CLDN10: variants seen among roughly 807,000 people sequenced by gnomAD.
CLDN10 encodes claudin 10.
A neutral mutation model predicts 22.9 loss-of-function variants in CLDN10; 15 were observed. The ratio of observed to expected loss-of-function variants is 0.65; its 90% CI spans 0.44 to 1.01. The LOEUF is 1.01. CLDN10 is among the 50% of genes least tolerant of loss of function. The pLI, the probability that CLDN10 is intolerant of heterozygous loss-of-function variation, is 0.00. For missense variants in CLDN10, 247 were observed against 287.8 expected, an observed-to-expected ratio of 0.86 and a Z score of 1.03; for synonymous variants, 114 against 111.4, an observed-to-expected ratio of 1.02 and a Z score of -0.15.
chr13:95,439,194 C>T (rs1472779953), intron 1 of CLDN10, among the ~76,000 whole-genome samples: 1 of 152,016 alleles, frequency 6.6e-6, no homozygotes, highest in Non-Finnish European at 1.5e-5. Context: ...ACATCAGAAA[C>T]TTATTTCTCA....
chr13:95,455,507 C>T (rs2042474165), intron 1 of CLDN10, among the ~76,000 whole-genome samples: 1 of 152,152 alleles, frequency 6.6e-6, no homozygotes, highest in Non-Finnish European at 1.5e-5. Context: ...GAAACTGTGG[C>T]TTATAGTTCT....
At chr13:95,476,510 G>T (rs1381995206) in intron 1 of CLDN10, among the ~76,000 whole-genome samples, 1 of 152,094 alleles carries the variant, frequency 6.6e-6, no homozygotes, top group East Asian at 1.9e-4. Flanking sequence ...CCTCCCGAAG[G>T]CCCCACCTCC....
intron 1 of CLDN10, among the ~76,000 whole-genome samples, chr13:95,546,371 C>T (rs2043509801): frequency 6.6e-6 from 1 of 151,918 alleles, no homozygotes; most frequent in Admixed American, 6.6e-5. Context: ...TCAGTTTCCT[C>T]TTCTGTACAA....
At chr13:95,505,702 A>G (rs1333835888) in intron 1 of CLDN10, among the ~76,000 whole-genome samples, 2 of 152,188 alleles carry the variant, frequency 1.3e-5, no homozygotes, top group Non-Finnish European at 2.9e-5. Flanking sequence ...GAATAAACAT[A>G]AAATAGACAC....
intron 1 of CLDN10, among the ~76,000 whole-genome samples, chr13:95,442,265 A>G (rs1594520896): frequency 1.3e-5 from 2 of 152,208 alleles, no homozygotes; most frequent in East Asian, 3.8e-4. Flanking sequence ...AGTGCCTTGA[A>G]AGGTCACATC....
At chr13:95,566,272 T>A (rs953467115) in intron 3 of CLDN10, among the ~76,000 whole-genome samples, 1 of 152,166 alleles carries the variant, frequency 6.6e-6, no homozygotes, top group African/African-American at 2.4e-5. Context: ...TTTCTCCACA[T>A]CCTCCCCAGA....
intron 1 of CLDN10, among the ~76,000 whole-genome samples, chr13:95,534,206 TAGA>T (rs1224073878): frequency 6.6e-6 from 1 of 152,210 alleles, no homozygotes; most frequent in African/African-American, 2.4e-5. Context: ...ATCTGCTATG[TAGA>T]AGGTTACATA....
At chr13:95,545,279 C>T (rs2043496750) in intron 1 of CLDN10, among the ~76,000 whole-genome samples, 1 of 151,828 alleles carries the variant, frequency 6.6e-6, no homozygotes, top group African/African-American at 2.4e-5. Flanking sequence ...CACGGTGGCT[C>T]ACACCTGTAA....
In CLDN10 at chr13:95,578,585, T is replaced by TACAGGATCAGAGA. The variant is rs1488605446; in HGVS notation, c.*572_*584dup. 6.6e-6 allele frequency: 1 copy of TACAGGATCAGAGA among 152,272 alleles called. No individual in the cohort carries two copies. Among genetic ancestry groups the TACAGGATCAGAGA allele is most frequent in the Non-Finnish European group, 1.5e-5 (1 of 68,068 alleles). The allele number at this position is 152,272 out of a possible 1,614,324, so 9.4% of individuals were successfully genotyped here. On this transcript the variant is annotated 3_prime_UTR_variant, in exon 5 of 5. Transcript: ENST00000299339. Reference sequence around the variant, plus strand: ...AAGTTATCTGGTAGAACTTAACTTCTACAGGATCAGAGAGGATCTTGCTCA... The same window carrying TACAGGATCAGAGA: ...AAGTTATCTGGTAGAACTTAACTTCTACAGGATCAGAGAACAGGATCAGAGAGGATCTTGCTCA...
At chr13:95,575,686 T>G (rs1434411827) in intron 3 of CLDN10, among the ~76,000 whole-genome samples, 1 of 151,950 alleles carries the variant, frequency 6.6e-6, no homozygotes, top group Non-Finnish European at 1.5e-5. Context: ...GTTTCTCAGA[T>G]GCCAAAGCAC....
At chr13:95,442,058 G>A (rs1185332294) in intron 1 of CLDN10, among the ~76,000 whole-genome samples, 4 of 152,212 alleles carry the variant, frequency 2.6e-5, no homozygotes, top group Non-Finnish European at 5.9e-5. Flanking sequence ...GGCTGAGGTG[G>A]AAGGATCACC....
At chr13:95,568,685 G>A (rs115006461) in intron 3 of CLDN10, among the ~76,000 whole-genome samples, 354 of 152,176 alleles carry the variant, frequency 2.3e-3, no homozygotes, top group African/African-American at 8.0e-3. Context: ...TCTAGAAGTC[G>A]AAACCATGTG....
chr13:95,568,960 T>C (rs2043820887), intron 3 of CLDN10, among the ~76,000 whole-genome samples: 3 of 152,180 alleles, frequency 2.0e-5, no homozygotes, highest in Admixed American at 6.5e-5. Flanking sequence ...AGAAGTTACT[T>C]ACCCTTTCTG....
upstream of CLDN10, among the ~76,000 whole-genome samples, chr13:95,548,618 A>G (rs529346942): frequency 4.7e-4 from 72 of 152,362 alleles, no homozygotes; most frequent in African/African-American, 1.7e-3. Context: ...TTGCATAAGC[A>G]TTAAGATAAA....
intron 1 of CLDN10, among the ~76,000 whole-genome samples, chr13:95,542,291 C>A (rs2043467640): frequency 6.6e-6 from 1 of 152,188 alleles, no homozygotes; most frequent in African/African-American, 2.4e-5. Flanking sequence ...GTGGTGCAGA[C>A]AGATCCAAAC....
At chr13:95,437,054 AT>A (rs923314524) in intron 1 of CLDN10, among the ~76,000 whole-genome samples, 14 of 150,238 alleles carry the variant, frequency 9.3e-5, no homozygotes, top group East Asian at 7.8e-4. Flanking sequence ...TCTCGGTTGT[AT>A]TTTTTTTTTC....
At chr13:95,448,003 A>C (rs1329239249) in intron 1 of CLDN10, among the ~76,000 whole-genome samples, 1 of 152,032 alleles carries the variant, frequency 6.6e-6, no homozygotes, top group Non-Finnish European at 1.5e-5. Flanking sequence ...CTGCGGCGAG[A>C]GGTGGGGGTG....
chr13:95,440,243 C>T (rs2042311953), intron 1 of CLDN10, among the ~76,000 whole-genome samples: 1 of 152,178 alleles, frequency 6.6e-6, no homozygotes, highest in South Asian at 2.1e-4. Flanking sequence ...TAGCTGCACC[C>T]TTGGATAACA....
At chr13:95,469,949 C>T (rs1431042371) in intron 1 of CLDN10, among the ~76,000 whole-genome samples, 1 of 152,110 alleles carries the variant, frequency 6.6e-6, no homozygotes, top group Admixed American at 6.6e-5. Context: ...AATCTTCTCA[C>T]CGTATTCTAT....
Sources: allele counts gnomAD v4.1 joint callset (sites outside exome capture counted in the v4.1 genomes callset), GRCh38; gene constraint gnomAD v4.1.1; transcripts MANE v1.5; gene names NCBI Gene and HGNC (gene_info 2026-07-23, HGNC 2026-07-21).